The following ST18 variants were observed in gnomAD, a reference collection of about 807,000 sequenced individuals.
The protein encoded by ST18 is ST18 C2H2C-type zinc finger transcription factor.
ST18 carries 50 observed loss-of-function variants against 110.0 expected under a neutral mutation model. The observed-to-expected ratio is 0.45, with a 90% CI of 0.36 to 0.58. The LOEUF (loss-of-function observed/expected upper bound fraction) is 0.58, where lower values mean the gene tolerates loss of function less well. Ranked by LOEUF, ST18 falls within the 20% of genes least tolerant of loss-of-function variation. ST18 has a pLI of 0.00. For synonymous variants in ST18, 461 were observed against 452.4 expected (o/e 1.02, Z -0.24); for missense variants, 1,306 against 1,280.1 (o/e 1.02, Z -0.31).
chr8:52,190,931 T>G (rs949803310), intron 8 of ST18, among the ~76,000 whole-genome samples: 4 of 152,220 alleles, frequency 2.6e-5, no homozygotes, highest in African/African-American at 9.6e-5. Context: ...TGGGGCATTC[T>G]GGCATATGCC....
Position 52,116,300 on chromosome 8 carries a change from A to C in ST18, c.2978T>G (p.Leu993Arg). The C allele has an allele frequency of 6.2e-7, 1 of 1,613,870 alleles. No individual in the cohort carries two copies. The highest frequency in any genetic ancestry group is 8.5e-7 in the Non-Finnish European group (1 of 1,179,906). The change falls in exon 25 of 26, where the codon CTT (leucine) becomes CGT (arginine). Residue 993 changes from leucine to arginine, a missense_variant. Coordinates refer to ENST00000689386, the MANE Select transcript of ST18 (RefSeq NM_001352837.2). Reference sequence around the variant, plus strand: ...CATCTGTGGAAGCTGGATGTCAGCAAGGCTTGAAATGAGAGCTTGGCTTAG... The same window carrying C: ...CATCTGTGGAAGCTGGATGTCAGCACGGCTTGAAATGAGAGCTTGGCTTAG... ...AGLSQALISSLADIQLPQMGP... is the reference protein window; with the variant it reads ...AGLSQALISSRADIQLPQMGP...
At chr8:52,118,790 G>C (rs1239579200) in intron 23 of ST18, among the ~76,000 whole-genome samples, 7 of 152,090 alleles carry the variant, frequency 4.6e-5, no homozygotes, top group Non-Finnish European at 1.0e-4. Context: ...ACCGAGCCCA[G>C]AGAGGTTAAA....
chr8:52,133,354 G>A (rs2050552295), intron 19 of ST18, 53 bp from the exon 20 acceptor site: 2 of 1,590,914 alleles, frequency 1.3e-6, no homozygotes, highest in South Asian at 2.2e-5. Context: ...TGGGGGAGTG[G>A]GGGTCACACT....
Position 52,409,455 on chromosome 8 carries a change from A to G in ST18, c.-589-3T>C, listed in dbSNP as rs1845649068. 7 of 152,192 alleles carry G rather than the reference A, an allele frequency of 4.6e-5. No homozygotes were observed. The highest frequency in any genetic ancestry group is 4.6e-4 in the Admixed American group (7 of 15,282). 9.4% of individuals were successfully genotyped at this position (152,192 alleles called of 1,614,324 possible). ...CCATTCAGAAATTTTATTATTTTCT[A>G]AAGAAGAAAAAAAATATGATGTGAA... On this transcript the variant is annotated splice_polypyrimidine_tract_variant and splice_region_variant and intron_variant, in intron 1 of 25. Coordinates refer to ENST00000689386, the MANE Select transcript of ST18 (RefSeq NM_001352837.2).
intron 13 of ST18, among the ~76,000 whole-genome samples, chr8:52,162,792 C>A (rs2061804891): frequency 6.6e-6 from 1 of 152,224 alleles, no homozygotes; most frequent in South Asian, 2.1e-4. Context: ...ATATACCTTT[C>A]AAAATTTAAC....
chr8:52,270,906 G>C (rs1377333989), intron 2 of ST18, among the ~76,000 whole-genome samples: 1 of 149,602 alleles, frequency 6.7e-6, no homozygotes, highest in Non-Finnish European at 1.5e-5. Context: ...GTGGTTATAA[G>C]TTTTGTTTTT....
At chr8:52,302,313 A>G (rs1478050235) in intron 2 of ST18, among the ~76,000 whole-genome samples, 1 of 152,230 alleles carries the variant, frequency 6.6e-6, no homozygotes, top group Non-Finnish European at 1.5e-5. Context: ...CTGGAATTGG[A>G]GGTATAGAAT....
chr8:52,384,103 C>A (rs542958598), intron 2 of ST18, among the ~76,000 whole-genome samples: 1 of 152,304 alleles, frequency 6.6e-6, no homozygotes, highest in Admixed American at 6.5e-5. Flanking sequence ...TACAGCAAGT[C>A]TCTAAATTAG....
At chr8:52,172,670 T>C (rs2065391191) in intron 9 of ST18, 87 bp from the exon 10 acceptor site, 3 of 1,016,434 alleles carry the variant, frequency 3.0e-6, no homozygotes. Flanking sequence ...TATAAACATA[T>C]GCATTCACAT....
At chr8:52,150,416 T>C (rs1422793396) in intron 15 of ST18, among the ~76,000 whole-genome samples, 1 of 152,224 alleles carries the variant, frequency 6.6e-6, no homozygotes. Context: ...AAAAGGCATG[T>C]ATAACTTTCC....
intron 2 of ST18, among the ~76,000 whole-genome samples, chr8:52,293,985 C>G (rs1056832390): frequency 2.6e-5 from 4 of 152,118 alleles, no homozygotes; most frequent in Admixed American, 1.3e-4. Flanking sequence ...ACGCAGTGGC[C>G]CATAGCCCGC....
chr8:52,312,554 A>G (rs1216346937), intron 2 of ST18, among the ~76,000 whole-genome samples: 3 of 152,250 alleles, frequency 2.0e-5, no homozygotes, highest in Non-Finnish European at 1.5e-5. Flanking sequence ...AGCTGAAACC[A>G]GATGGATCCT....
chr8:52,298,934 T>C lies in ST18; in HGVS notation c.-464-68857A>G, dbSNP rs184695122. On this transcript the variant is annotated intron_variant, in intron 2 of 25. Transcript: ENST00000689386. ...TTTCTGTGTCTTTGTAAGTGATCTC[T>C]CTTTTCTAACTAGTCATTCTCTTTG... Among the ~76,000 whole-genome samples the C allele has an allele frequency of 3.5e-3, 528 of 152,340 alleles. 4 individuals are homozygous for C. The highest frequency in any genetic ancestry group is 6.3e-3 in the Non-Finnish European group (431 of 68,024).
chr8:52,262,243 C>G (rs946395967), intron 2 of ST18, among the ~76,000 whole-genome samples: 1 of 152,228 alleles, frequency 6.6e-6, no homozygotes, highest in Non-Finnish European at 1.5e-5. Flanking sequence ...CCAATTGCCT[C>G]TCAAAGGCCT....
chr8:52,321,075 A>G (rs576095102), intron 2 of ST18, among the ~76,000 whole-genome samples: 3 of 152,360 alleles, frequency 2.0e-5, no homozygotes, highest in Admixed American at 1.3e-4. Flanking sequence ...TGATCCTTTT[A>G]GCGTGTCACC....
chr8:52,225,305 C>T (rs1236851410), intron 3 of ST18, among the ~76,000 whole-genome samples: 1 of 152,090 alleles, frequency 6.6e-6, no homozygotes, highest in Non-Finnish European at 1.5e-5. Flanking sequence ...CATTTAGATG[C>T]CATTCATGAC....
At chr8:52,119,029 A>T (rs2043614546) in intron 23 of ST18, among the ~76,000 whole-genome samples, 1 of 152,178 alleles carries the variant, frequency 6.6e-6, no homozygotes, top group African/African-American at 2.4e-5. Context: ...CCAGAAACAC[A>T]TTGGCATAGT....
chr8:52,281,056 C>T (rs1287228528), intron 2 of ST18, among the ~76,000 whole-genome samples: 1 of 151,936 alleles, frequency 6.6e-6, no homozygotes, highest in African/African-American at 2.4e-5. Flanking sequence ...CATTAAAAAA[C>T]TAAAAGTTTA....
At chr8:52,272,886 G>A (rs112909299) in intron 2 of ST18, among the ~76,000 whole-genome samples, 2,658 of 152,216 alleles carry the variant, frequency 0.017, 69 homozygotes, top group African/African-American at 0.061. Flanking sequence ...CAAATAATAA[G>A]ATGGAAATTA....
Sources: gnomAD v4.1 joint callset for allele counts (sites outside exome capture counted in the v4.1 genomes callset) on GRCh38, gnomAD v4.1.1 for gene constraint, MANE v1.5 for transcripts, NCBI Gene and HGNC (gene_info 2026-07-23, HGNC 2026-07-21) for gene names.